The following FSTL5 variants were observed in gnomAD, a reference collection of about 807,000 sequenced individuals.
FSTL5 encodes follistatin-related protein 5.
FSTL5 carries 62 observed loss-of-function variants against 89.1 expected under a neutral mutation model. That is an observed-to-expected ratio of 0.70 (90% CI 0.57 to 0.86). The LOEUF (loss-of-function observed/expected upper bound fraction) is 0.86, where lower values mean the gene tolerates loss of function less well. Among genes scored for constraint, FSTL5 ranks in the 40% least tolerant of loss-of-function variants. FSTL5 has a pLI of 0.00. For missense variants in FSTL5, 1,057 were observed against 1,001.6 expected, an observed-to-expected ratio of 1.06 and a Z score of -0.75; for synonymous variants, 383 against 346.2, an observed-to-expected ratio of 1.11 and a Z score of -1.18.
intron 1 of FSTL5, among the ~76,000 whole-genome samples, chr4:162,134,015 G>T (rs942893803): frequency 6.6e-6 from 1 of 152,168 alleles, no homozygotes; most frequent in Non-Finnish European, 1.5e-5. Flanking sequence ...CCAACTTTGT[G>T]CCTCACTGGG....
In FSTL5 at chr4:161,835,373, A is replaced by C. The variant is rs372827761; in HGVS notation, c.410-59299T>G. The stretch of plus-strand genomic sequence containing the variant: ...CCCTAGAAGAAAACCTAGGCATTAC[A>C]ATTCAGGACATAGGCATAGGCAAGG... On this transcript the variant is annotated intron_variant, in intron 4 of 15. Transcript: ENST00000306100. Among the ~76,000 whole-genome samples, 9 of 152,238 alleles carry C rather than the reference A, an allele frequency of 5.9e-5. 1 individual carries two copies. The South Asian group carries it at 1.0e-3, about 18-fold the overall frequency.
rs191941258 is a variant in FSTL5 at position 162,066,205 on chromosome 4, G to A, written c.127-32547C>T. On this transcript the variant is annotated intron_variant, in intron 2 of 15. Coordinates refer to ENST00000306100, the MANE Select transcript of FSTL5 (RefSeq NM_020116.5). ...GAATTTATTGAATATATTTTTGTAT[G>A]CTTGTTTGTCATCTGTTTACTTTCT... Among the ~76,000 whole-genome samples the A allele has an allele frequency of 1.7e-4, 26 of 150,662 alleles. No homozygotes were observed. In the East Asian group the frequency reaches 5.1e-3, roughly 29 times the overall value.
intron 6 of FSTL5, among the ~76,000 whole-genome samples, chr4:161,721,417 G>C (rs1739212240): frequency 1.3e-5 from 2 of 151,866 alleles, no homozygotes; most frequent in Admixed American, 6.6e-5. Context: ...AAAATTTTTG[G>C]AGTTGATTAA....
intron 15 of FSTL5, among the ~76,000 whole-genome samples, chr4:161,411,415 G>A (rs1342657072): frequency 6.6e-6 from 1 of 150,680 alleles, no homozygotes; most frequent in Non-Finnish European, 1.5e-5. Context: ...TATCCCTGAT[G>A]AACATAGATG....
chr4:161,660,790 C>T (rs1352504394), intron 6 of FSTL5, among the ~76,000 whole-genome samples: 3 of 152,092 alleles, frequency 2.0e-5, no homozygotes, highest in Non-Finnish European at 4.4e-5. Context: ...CATGTCCTGG[C>T]AAAGAACATG....
chr4:161,710,605 C>G (rs1356656123), intron 6 of FSTL5, among the ~76,000 whole-genome samples: 1 of 152,132 alleles, frequency 6.6e-6, no homozygotes, highest in Non-Finnish European at 1.5e-5. Context: ...TCTAGGTTAA[C>G]AGTATTCTTA....
At position 161,448,680 on chromosome 4, in the gene FSTL5, C is replaced by T. The variant is rs181424298; in HGVS notation, c.1841+6324G>A. 1.3e-3 allele frequency among the ~76,000 whole-genome samples: 198 copies of T among 152,278 alleles called. 2 individuals carry two copies. Among genetic ancestry groups the T allele is most frequent in the African/African-American group, 4.5e-3 (189 of 41,554 alleles). ...ACTTACTCTCTCATTTTACTTCATCCGTGTAGTAGAGCCATAGCCATTGGC... is the reference window on the plus strand; with the variant it reads ...ACTTACTCTCTCATTTTACTTCATCTGTGTAGTAGAGCCATAGCCATTGGC... On this transcript the variant is annotated intron_variant, in intron 15 of 15. Coordinates refer to ENST00000306100, the MANE Select transcript of FSTL5 (RefSeq NM_020116.5).
chr4:162,068,132 T>A (rs988200675), intron 2 of FSTL5, among the ~76,000 whole-genome samples: 1 of 152,144 alleles, frequency 6.6e-6, no homozygotes, highest in Non-Finnish European at 1.5e-5. Flanking sequence ...CTGCTCAAAG[T>A]AGTTTATAGA....
intron 6 of FSTL5, among the ~76,000 whole-genome samples, chr4:161,711,867 A>G (rs1738792715): frequency 6.6e-6 from 1 of 152,160 alleles, no homozygotes; most frequent in African/African-American, 2.4e-5. Flanking sequence ...AATAGAACGA[A>G]AAATAAAAGT....
At chr4:161,807,438 T>C (rs1246467666) in intron 4 of FSTL5, among the ~76,000 whole-genome samples, 1 of 152,188 alleles carries the variant, frequency 6.6e-6, no homozygotes, top group Non-Finnish European at 1.5e-5. Context: ...GAATCATTGC[T>C]GGACAGAATT....
chr4:161,692,065 CG>C (rs1333751837), intron 6 of FSTL5, among the ~76,000 whole-genome samples: 2 of 151,526 alleles, frequency 1.3e-5, no homozygotes, highest in East Asian at 1.9e-4. Context: ...TCCTTTTGTA[CG>C]TTTTTTTTTC....
rs1390639024 is a variant in FSTL5, at chr4:161,391,176, T to G, written c.1842-4727A>C. On this transcript the variant is annotated intron_variant, in intron 15 of 15. Coordinates refer to ENST00000306100, the MANE Select transcript of FSTL5 (RefSeq NM_020116.5). ...GATGTCCCAATTATTAAAGTCATAT[T>G]CTTTGAAAAAAAATTCCAGAACCAC... 2.6e-5 allele frequency among the ~76,000 whole-genome samples: 4 copies of G among 152,162 alleles called. No homozygotes were observed. In the South Asian group the frequency reaches 8.3e-4, roughly 32 times the overall value.
Position 161,753,845 on chromosome 4 carries a change from G to T in FSTL5, c.727+5566C>A, listed in dbSNP as rs144393471. On this transcript the variant is annotated intron_variant, in intron 6 of 15. Transcript: ENST00000306100. ...ATTATGAGGTCGGGAGATCGAGACCGTCCTGGCTATCACGGTGAAACCCCC... is the reference window on the plus strand; with the variant it reads ...ATTATGAGGTCGGGAGATCGAGACCTTCCTGGCTATCACGGTGAAACCCCC... Among the ~76,000 whole-genome samples, 1,172 of 151,794 alleles carry T rather than the reference G, an allele frequency of 7.7e-3. 18 individuals carry two copies. The highest frequency in any genetic ancestry group is 0.027 in the African/African-American group (1,114 of 41,418).
chr4:161,936,758 T>C (rs1734443287), intron 3 of FSTL5, among the ~76,000 whole-genome samples: 2 of 152,110 alleles, frequency 1.3e-5, no homozygotes, highest in East Asian at 3.9e-4. Flanking sequence ...ATATGGAATC[T>C]GGAGAGTACC....
intron 6 of FSTL5, among the ~76,000 whole-genome samples, chr4:161,702,362 A>T (rs989042887): frequency 6.6e-6 from 1 of 152,138 alleles, no homozygotes; most frequent in Non-Finnish European, 1.5e-5. Flanking sequence ...CTCTTTGAAG[A>T]TATGTCTTAT....
At chr4:161,445,261 T>C (rs930710413) in intron 15 of FSTL5, among the ~76,000 whole-genome samples, 3 of 151,920 alleles carry the variant, frequency 2.0e-5, no homozygotes, top group African/African-American at 7.2e-5. Context: ...ATAGAGCCTC[T>C]ACTTTTAGTC....
intron 2 of FSTL5, among the ~76,000 whole-genome samples, chr4:162,042,795 A>G (rs1156357891): frequency 6.6e-6 from 1 of 151,974 alleles, no homozygotes; most frequent in Non-Finnish European, 1.5e-5. Flanking sequence ...TATCCTTTGT[A>G]AGGACATGGA....
intron 2 of FSTL5, among the ~76,000 whole-genome samples, chr4:162,106,329 C>G (rs187012534): frequency 2.0e-5 from 3 of 152,222 alleles, no homozygotes; most frequent in African/African-American, 7.2e-5. Flanking sequence ...ACTAGGTATA[C>G]TCAAAGAATA....
At chr4:161,682,807 C>A (rs1375437446) in intron 6 of FSTL5, among the ~76,000 whole-genome samples, 1 of 151,954 alleles carries the variant, frequency 6.6e-6, no homozygotes, top group Non-Finnish European at 1.5e-5. Flanking sequence ...GGTGCAATGG[C>A]ATGATCTTGG....
Sources: gnomAD v4.1 joint callset for allele counts (sites outside exome capture counted in the v4.1 genomes callset) on GRCh38, gnomAD v4.1.1 for gene constraint, MANE v1.5 for transcripts, NCBI Gene and HGNC (gene_info 2026-07-23, HGNC 2026-07-21) for gene names.